SRD5A1: variants seen among roughly 807,000 people sequenced by gnomAD.
The protein encoded by SRD5A1 is steroid 5 alpha-reductase 1, also known as 3-oxo-5-alpha-steroid 4-dehydrogenase 1.
In SRD5A1, 22 loss-of-function variants were observed where a neutral mutation model predicts 28.2. The observed-to-expected ratio is 0.78, with a 90% CI of 0.56 to 1.12. The LOEUF (loss-of-function observed/expected upper bound fraction) is 1.12, where lower values mean the gene tolerates loss of function less well. SRD5A1 is among the 50% of genes most tolerant of loss of function. The probability of loss-of-function intolerance (pLI) is 0.00; values close to 1 mark genes in which losing one functional copy is unlikely to be tolerated. For synonymous variants in SRD5A1, 151 were observed against 135.0 expected (o/e 1.12, Z -0.82); for missense variants, 300 against 346.7 (o/e 0.87, Z 1.07).
rs935333734 is a variant in SRD5A1, at chr5:6,671,124, A to G, written c.*2856A>G. The stretch of plus-strand genomic sequence containing the variant: ...TCTAATAGTTTACATTCCCACCAGC[A>G]GTGTGGAAGTGTTCCATGATTGCCG... On this transcript the variant is annotated 3_prime_UTR_variant, in exon 5 of 5. Coordinates refer to ENST00000274192, the MANE Select transcript of SRD5A1 (RefSeq NM_001047.4). The G allele has an allele frequency of 1.3e-5, 2 of 152,206 alleles. No individual in the cohort carries two copies. Among genetic ancestry groups the G allele is most frequent in the African/African-American group, 4.8e-5 (2 of 41,454 alleles). The allele number at this position is 152,206 out of a possible 1,614,324, so 9.4% of individuals were successfully genotyped here.
At chr5:6,637,907 C>G (rs539512480) in intron 1 of SRD5A1, among the ~76,000 whole-genome samples, 1 of 152,340 alleles carries the variant, frequency 6.6e-6, no homozygotes, top group East Asian at 1.9e-4. Context: ...TTGTATCTCT[C>G]GTGTAATCCT....
chr5:6,648,908 C>T (rs930667080), intron 1 of SRD5A1, among the ~76,000 whole-genome samples: 5 of 152,130 alleles, frequency 3.3e-5, no homozygotes, highest in Admixed American at 6.6e-5. Flanking sequence ...GATTTATCTG[C>T]CTTTGGTCTT....
chr5:6,645,808 C>T (rs1379512758), intron 1 of SRD5A1, among the ~76,000 whole-genome samples: 7 of 152,008 alleles, frequency 4.6e-5, no homozygotes, highest in African/African-American at 9.7e-5. Context: ...GTCTGGATTT[C>T]GTAAGTCTAA....
intron 1 of SRD5A1, among the ~76,000 whole-genome samples, chr5:6,635,826 C>T (rs1384197497): frequency 6.6e-6 from 1 of 152,176 alleles, no homozygotes; most frequent in African/African-American, 2.4e-5. Flanking sequence ...CATCATGTTT[C>T]ATTGTACCTA....
chr5:6,658,110 A>G (rs573941130), intron 3 of SRD5A1, among the ~76,000 whole-genome samples: 1 of 152,302 alleles, frequency 6.6e-6, no homozygotes, highest in African/African-American at 2.4e-5. Flanking sequence ...AGATCACATG[A>G]GGTCCAGAGT....
intron 1 of SRD5A1, among the ~76,000 whole-genome samples, chr5:6,649,560 C>G (rs896794384): frequency 6.6e-6 from 1 of 152,250 alleles, no homozygotes; most frequent in African/African-American, 2.4e-5. Flanking sequence ...GCATGGGACC[C>G]ACTGAGCCAG....
chr5:6,659,502 TGAA>T (rs34666637), intron 3 of SRD5A1, among the ~76,000 whole-genome samples: 51,596 of 150,992 alleles, frequency 0.34, 8,938 homozygotes, highest in Middle Eastern at 0.42. Context: ...TTGAAGTCCA[TGAA>T]GAAGAAATCC....
chr5:6,663,689 G>T (rs542990199), intron 4 of SRD5A1, among the ~76,000 whole-genome samples: 1 of 152,020 alleles, frequency 6.6e-6, no homozygotes, highest in Admixed American at 6.6e-5. Context: ...GTGAAATCCC[G>T]TCTCTACTAA....
Position 6,669,239 on chromosome 5 carries a change from G to T in SRD5A1, c.*971G>T, listed in dbSNP as rs1048813169. ...TTATCCTGTTTGTTCTTTGTTGATT[G>T]AAACATAATAATTGTTAAAATTCTC... On this transcript the variant is annotated 3_prime_UTR_variant, in exon 5 of 5. Transcript: ENST00000274192. The T allele has an allele frequency of 1.3e-5, 2 of 152,166 alleles. No individual in the cohort carries two copies. The highest frequency in any genetic ancestry group is 4.8e-5 in the African/African-American group (2 of 41,444). 9.4% of individuals were successfully genotyped at this position (152,166 alleles called of 1,614,324 possible).
At chr5:6,644,859 C>T (rs972723034) in intron 1 of SRD5A1, 2 of 455,844 alleles carry the variant, frequency 4.4e-6, no homozygotes, top group Non-Finnish European at 8.8e-6. Flanking sequence ...AAATGCCAGC[C>T]CATGGTACCC....
intron 1 of SRD5A1, among the ~76,000 whole-genome samples, chr5:6,644,067 A>G (rs1302436295): frequency 6.6e-6 from 1 of 152,230 alleles, no homozygotes; most frequent in Non-Finnish European, 1.5e-5. Flanking sequence ...GATATGCCAG[A>G]GGGAACGTCC....
At position 6,655,617 on chromosome 5, in the gene SRD5A1, T is replaced by C. The variant is rs8192204; in HGVS notation, c.461-461T>C. On this transcript the variant is annotated intron_variant, in intron 2 of 4. Transcript: ENST00000274192. ...ATCTACTCCTAGGAACTGCCACCCT[T>C]CAAGGGGTGACGTACAGCCAGTGGT... Among the ~76,000 whole-genome samples the C allele has an allele frequency of 1.6e-3, 242 of 152,346 alleles. 4 individuals carry two copies. In the East Asian group the frequency reaches 0.04, roughly 25 times the overall value.
Position 6,662,802 on chromosome 5 carries a change from G to A in SRD5A1, c.563-14G>A. The A allele has an allele frequency of 6.2e-7, 1 of 1,610,740 alleles. No homozygotes were observed. The highest frequency in any genetic ancestry group is 8.5e-7 in the Non-Finnish European group (1 of 1,178,838). On this transcript the variant is annotated splice_polypyrimidine_tract_variant and intron_variant, in intron 3 of 4. Transcript: ENST00000274192. ...TGTAGTAAATGCACTACTTTGGTCT[G>A]TGTTTTCTTCTAGGAGGCTTATTTG... is the stretch of plus-strand genomic sequence containing the variant.
chr5:6,668,323 A>G lies in SRD5A1; in HGVS notation c.*55A>G, dbSNP rs1417593619. On this transcript the variant is annotated 3_prime_UTR_variant, in exon 5 of 5. Transcript: ENST00000274192. ...TGAAGCTTTCCAATGGCGCTTCTCTATGGACTTTGTAAATAAGTTATATCT... is the reference window on the plus strand; with the variant it reads ...TGAAGCTTTCCAATGGCGCTTCTCTGTGGACTTTGTAAATAAGTTATATCT... 1.9e-6 allele frequency: 2 copies of G among 1,046,998 alleles called. No individual in the cohort carries two copies. The highest frequency in any genetic ancestry group is 2.8e-6 in the Non-Finnish European group (2 of 703,872). The allele number at this position is 1,046,998 out of a possible 1,614,324, so 64.9% of individuals were successfully genotyped here.
intron 3 of SRD5A1, among the ~76,000 whole-genome samples, chr5:6,662,221 T>C (rs983032127): frequency 2.0e-5 from 3 of 152,226 alleles, no homozygotes; most frequent in African/African-American, 7.2e-5. Flanking sequence ...CACTCTGTGA[T>C]AGTGACCTCC....
At chr5:6,654,937 G>T (rs1240101079) in intron 2 of SRD5A1, among the ~76,000 whole-genome samples, 1 of 152,116 alleles carries the variant, frequency 6.6e-6, no homozygotes, top group South Asian at 2.1e-4. Flanking sequence ...TCCCAAAAAG[G>T]TAGCAAATCA....
rs773515911 is a variant in SRD5A1, at chr5:6,633,590, C to T, written c.14C>T (p.Thr5Met). 241 of 1,518,976 alleles carry T rather than the reference C, an allele frequency of 1.6e-4. No individual in the cohort carries two copies. Among genetic ancestry groups the T allele is most frequent in the Non-Finnish European group, 2.0e-4 (229 of 1,140,994 alleles). The allele number at this position is 1,518,976 out of a possible 1,614,324, so 94.1% of individuals were successfully genotyped here. A position where few individuals can be genotyped will look rare whatever the true frequency, so the allele number is the denominator to read the frequency against. ...CCAGCCCTGGCGATGGCAACGGCGA[C>T]GGGGGTGGCGGAGGAGCGCCTGCTG... MATA[T>M]GVAEERLLAA... Residue 5 changes from threonine to methionine, a missense_variant, in exon 1 of 5, where the codon ACG becomes ATG. Coordinates refer to ENST00000274192, the MANE Select transcript of SRD5A1 (RefSeq NM_001047.4).
In SRD5A1 at chr5:6,661,530, CT is replaced by C. The variant is rs11402128; in HGVS notation, c.563-1266del. The stretch of plus-strand genomic sequence containing the variant: ...ATGACTTAGGGCGTAATAGGTTTGT[CT>C]TTTTTTTTTTTTTTTTTTTGAGACA... On this transcript the variant is annotated intron_variant, in intron 3 of 4. Transcript: ENST00000274192. Among the ~76,000 whole-genome samples, 906 of 118,230 alleles carry C rather than the reference CT, an allele frequency of 7.7e-3. 2 individuals are homozygous for C. Among genetic ancestry groups the C allele is most frequent in the African/African-American group, 0.025 (769 of 30,760 alleles). 77.6% of individuals were successfully genotyped at this position (118,230 alleles called of 152,430 possible).
intron 1 of SRD5A1, among the ~76,000 whole-genome samples, chr5:6,650,053 A>C (rs893724045): frequency 6.6e-6 from 1 of 152,120 alleles, no homozygotes; most frequent in Non-Finnish European, 1.5e-5. Flanking sequence ...AGTGCTATTC[A>C]TGTTGTCTTT....
Sources: allele counts gnomAD v4.1 joint callset (sites outside exome capture counted in the v4.1 genomes callset), GRCh38; gene constraint gnomAD v4.1.1; transcripts MANE v1.5; gene names NCBI Gene and HGNC (gene_info 2026-07-23, HGNC 2026-07-21).